DNMBP: variants seen among roughly 807,000 people sequenced by gnomAD.
The protein encoded by DNMBP is dynamin binding protein.
In DNMBP, 87 loss-of-function variants were observed where a neutral mutation model predicts 150.0. That is an observed-to-expected ratio of 0.58 (90% CI 0.49 to 0.69). The LOEUF is 0.69. Among genes scored for constraint, DNMBP ranks in the 30% least tolerant of loss-of-function variants. The pLI, the probability that DNMBP is intolerant of heterozygous loss-of-function variation, is 0.00. For synonymous variants in DNMBP, 711 were observed against 750.4 expected (o/e 0.95, Z 0.86); for missense variants, 1,774 against 1,949.0 (o/e 0.91, Z 1.69).
chr10:99,882,475 TCAGGAGGCCGAGA>T (rs1450905466), intron 15 of DNMBP, among the ~76,000 whole-genome samples: 1 of 152,104 alleles, frequency 6.6e-6, no homozygotes, highest in Non-Finnish European at 1.5e-5. Flanking sequence ...TCCCAGCTAC[TCAGGAGGCCGAGA>T]CAGGAGGATT....
chr10:99,881,031 G>A (rs866877216), intron 15 of DNMBP, among the ~76,000 whole-genome samples: 5 of 152,286 alleles, frequency 3.3e-5, no homozygotes, highest in Non-Finnish European at 5.9e-5. Flanking sequence ...TTCACAACCA[G>A]CCTGGCCAAC....
chr10:99,928,956 C>T (rs972437593), intron 4 of DNMBP, among the ~76,000 whole-genome samples: 15 of 152,018 alleles, frequency 9.9e-5, no homozygotes, highest in African/African-American at 3.6e-4. Context: ...TCAGCCTGGG[C>T]AACATGGTGA....
chr10:99,946,507 T>C (rs943085934), intron 4 of DNMBP, among the ~76,000 whole-genome samples: 3 of 152,064 alleles, frequency 2.0e-5, no homozygotes, highest in Non-Finnish European at 4.4e-5. Context: ...AAATAAGCAA[T>C]GGGGAAAGAA....
intron 1 of DNMBP, among the ~76,000 whole-genome samples, chr10:99,977,286 G>C (rs545130818): frequency 3.1e-4 from 47 of 152,152 alleles, no homozygotes; most frequent in Non-Finnish European, 6.3e-4. Flanking sequence ...TCTCTGCCCT[G>C]TATACCCTAT....
intron 4 of DNMBP, among the ~76,000 whole-genome samples, chr10:99,911,306 A>C (rs1394368636): frequency 6.6e-6 from 1 of 152,094 alleles, no homozygotes; most frequent in African/African-American, 2.4e-5. Flanking sequence ...AGATCACCTG[A>C]GGTCAGAAGT....
At chr10:99,974,540 C>G (rs1181501157) in intron 1 of DNMBP, among the ~76,000 whole-genome samples, 1 of 152,138 alleles carries the variant, frequency 6.6e-6, no homozygotes, top group African/African-American at 2.4e-5. Flanking sequence ...GGGTCTTGCT[C>G]TGTTGCCCAG....
intron 4 of DNMBP, among the ~76,000 whole-genome samples, chr10:99,914,597 G>A (rs1267015894): frequency 1.3e-5 from 2 of 152,146 alleles, no homozygotes; most frequent in Non-Finnish European, 2.9e-5. Context: ...GAACAGGGAT[G>A]GCAGGAGTGA....
At position 99,879,796 on chromosome 10, in the gene DNMBP, C is replaced by T. The variant is rs2133187467; in HGVS notation, c.4548+15G>A. On this transcript the variant is annotated intron_variant, in intron 16 of 16. Transcript: ENST00000324109. Reference sequence around the variant, plus strand: ...TGCCGCCTGTGCCACAGTGGCAGGCCTCTTACGCACTCACCTGGTTGCCTT... The same window carrying T: ...TGCCGCCTGTGCCACAGTGGCAGGCTTCTTACGCACTCACCTGGTTGCCTT... 1.2e-6 allele frequency: 2 copies of T among 1,611,896 alleles called. No homozygotes were observed. The highest frequency in any genetic ancestry group is 1.1e-5 in the South Asian group (1 of 90,934).
Position 99,897,990 on chromosome 10 carries a change from C to T in DNMBP, c.2920+96G>A, listed in dbSNP as rs1001179051. ...ATCACAGCCCTATTATACCTACCAC[C>T]TGCCTTGTCCAACTCTAGCGAAGTA... On this transcript the variant is annotated intron_variant, in intron 9 of 16. Coordinates refer to ENST00000324109, the MANE Select transcript of DNMBP (RefSeq NM_015221.4). 5.8e-6 allele frequency: 6 copies of T among 1,040,364 alleles called. No individual in the cohort carries two copies. In the African/African-American group the frequency reaches 7.8e-5, roughly 14 times the overall value. The allele number at this position is 1,040,364 out of a possible 1,614,324, so 64.4% of individuals were successfully genotyped here. A position where few individuals can be genotyped will look rare whatever the true frequency, so the allele number is the denominator to read the frequency against.
At chr10:99,898,791 G>A (rs2039697099) in intron 7 of DNMBP, 31 bp from the exon 8 acceptor site, 2 of 1,605,196 alleles carry the variant, frequency 1.2e-6, no homozygotes, top group African/African-American at 1.3e-5. Flanking sequence ...AAAGAAAAGA[G>A]ACAGTTTATT....
intron 14 of DNMBP, 71 bp from the exon 15 acceptor site, chr10:99,884,280 G>A: frequency 7.3e-7 from 1 of 1,367,480 alleles, no homozygotes; most frequent in East Asian, 2.3e-5. Context: ...ATCCCAACAT[G>A]TGGCCAGTCT....
Position 99,884,216 on chromosome 10 carries a change from G to C in DNMBP, c.3799-7C>G. 6.2e-7 allele frequency: 1 copy of C among 1,607,890 alleles called. No individual in the cohort carries two copies. The highest frequency in any genetic ancestry group is 8.5e-7 in the Non-Finnish European group (1 of 1,176,094). On this transcript the variant is annotated splice_polypyrimidine_tract_variant and splice_region_variant and intron_variant, in intron 14 of 16. Transcript: ENST00000324109. ...ACTGTAGCATGTAACTTGGCTGAAA[G>C]GTAAGACGTTAACAAAAATCTCTCA... is the stretch of plus-strand genomic sequence containing the variant.
At chr10:99,982,773 C>G (rs1455859939) in intron 1 of DNMBP, among the ~76,000 whole-genome samples, 1 of 151,968 alleles carries the variant, frequency 6.6e-6, no homozygotes, top group Non-Finnish European at 1.5e-5. Context: ...GGCAACATGG[C>G]AAAACCCTGT....
chr10:99,937,199 T>G (rs1202063527), intron 4 of DNMBP, among the ~76,000 whole-genome samples: 1 of 152,084 alleles, frequency 6.6e-6, no homozygotes, highest in African/African-American at 2.4e-5. Flanking sequence ...GGACTACAGG[T>G]GCACCAGACC....
chr10:99,912,783 C>A (rs1308872810), intron 4 of DNMBP, among the ~76,000 whole-genome samples: 1 of 152,124 alleles, frequency 6.6e-6, no homozygotes, highest in African/African-American at 2.4e-5. Context: ...CCTCAGCCTC[C>A]CAAGTAGCTG....
chr10:99,978,835 AAAT>A (rs1440272772), intron 1 of DNMBP, among the ~76,000 whole-genome samples: 1 of 152,134 alleles, frequency 6.6e-6, no homozygotes, highest in East Asian at 1.9e-4. Flanking sequence ...TCGGCCTCCC[AAAT>A]TGCTGGGATT....
chr10:99,884,234 A>T (rs2039420729), intron 14 of DNMBP, 25 bp from the exon 15 acceptor site: 1 of 1,596,818 alleles, frequency 6.3e-7, no homozygotes, highest in Admixed American at 1.7e-5. Flanking sequence ...GTTAACAAAA[A>T]TCTCTCAGTG....
intron 1 of DNMBP, among the ~76,000 whole-genome samples, chr10:99,982,746 A>C (rs2040792070): frequency 1.3e-5 from 2 of 152,152 alleles, no homozygotes; most frequent in African/African-American, 2.4e-5. Context: ...TGGGCCCAGG[A>C]GTTCGAGTCC....
At chr10:99,958,468 C>T (rs1253304167) in intron 3 of DNMBP, 1 of 152,308 alleles carries the variant, frequency 6.6e-6, no homozygotes, top group East Asian at 1.9e-4. Flanking sequence ...GAATAACAGA[C>T]AACTATGTTT....
Sources: allele counts gnomAD v4.1 joint callset (sites outside exome capture counted in the v4.1 genomes callset), GRCh38; gene constraint gnomAD v4.1.1; transcripts MANE v1.5; gene names NCBI Gene and HGNC (gene_info 2026-07-23, HGNC 2026-07-21).